The following CNTNAP5 variants were observed in gnomAD, a reference collection of about 807,000 sequenced individuals.
CNTNAP5 encodes contactin-associated protein-like 5.
A neutral mutation model predicts 150.2 loss-of-function variants in CNTNAP5; 72 were observed. The observed-to-expected ratio is 0.48, with a 90% CI of 0.40 to 0.58. CNTNAP5 has a LOEUF of 0.58. CNTNAP5 is among the 20% of genes least tolerant of loss of function. The pLI, the probability that CNTNAP5 is intolerant of heterozygous loss-of-function variation, is 0.00. For synonymous variants in CNTNAP5, 672 were observed against 619.8 expected, an observed-to-expected ratio of 1.08 and a Z score of -1.25; for missense variants, 1,636 against 1,626.2, an observed-to-expected ratio of 1.01 and a Z score of -0.10.
At chr2:124,725,521 TCTC>T (rs943028365) in intron 13 of CNTNAP5, among the ~76,000 whole-genome samples, 5 of 147,030 alleles carry the variant, frequency 3.4e-5, no homozygotes, top group African/African-American at 1.3e-4. Flanking sequence ...TTTCCTCTTC[TCTC>T]CTCTTGTTTC....
intron 1 of CNTNAP5, among the ~76,000 whole-genome samples, chr2:124,060,366 C>A (rs1017872621): frequency 2.0e-4 from 31 of 152,284 alleles, no homozygotes; most frequent in South Asian, 1.4e-3. Context: ...TGGCAACTTA[C>A]CAGGTAAAAA....
intron 13 of CNTNAP5, among the ~76,000 whole-genome samples, chr2:124,731,599 G>C (rs1343469776): frequency 6.6e-6 from 1 of 151,374 alleles, no homozygotes; most frequent in Non-Finnish European, 1.5e-5. Flanking sequence ...GGGAGAGAGA[G>C]ACAAATGCAG....
intron 1 of CNTNAP5, among the ~76,000 whole-genome samples, chr2:124,185,331 T>C (rs1395530901): frequency 1.3e-5 from 2 of 152,190 alleles, no homozygotes; most frequent in East Asian, 3.9e-4. Context: ...GACTGTAAGC[T>C]GCCAAAAGGC....
rs149098464 is a variant in CNTNAP5 at position 124,549,786 on chromosome 2, T to C, written c.1650-13431T>C. Among the ~76,000 whole-genome samples, 715 of 152,366 alleles carry C rather than the reference T, an allele frequency of 4.7e-3. 4 individuals are homozygous for C. Among genetic ancestry groups the C allele is most frequent in the African/African-American group, 0.016 (685 of 41,586 alleles). On this transcript the variant is annotated intron_variant, in intron 10 of 23. Transcript: ENST00000682447. ...AAAAAGTAAAAGCCAGATAAATATA[T>C]AGTCAGTGCTAACACTTGCTATGAT...
intron 3 of CNTNAP5, among the ~76,000 whole-genome samples, chr2:124,398,234 T>A (rs1691307943): frequency 6.6e-6 from 1 of 152,158 alleles, no homozygotes; most frequent in Non-Finnish European, 1.5e-5. Flanking sequence ...ACATTCCAGC[T>A]CCTTTGCTGA....
In CNTNAP5 at chr2:124,220,974, C is replaced by T. The variant is rs551273314; in HGVS notation, c.83-731C>T. On this transcript the variant is annotated intron_variant, in intron 1 of 23. Transcript: ENST00000682447. ...TCAGTGTCAACCCGGAGGGGTATAT[C>T]TACCTTCTCAAGACAAGCATCTTTG... Among the ~76,000 whole-genome samples, 4 of 152,216 alleles carry T rather than the reference C, an allele frequency of 2.6e-5. No homozygotes were observed. The South Asian group carries it at 8.3e-4, about 32-fold the overall frequency.
rs372792634 is a variant in CNTNAP5 at position 124,873,151 on chromosome 2, G to A, written c.3436+3389G>A. On this transcript the variant is annotated intron_variant, in intron 21 of 23. Transcript: ENST00000682447. The stretch of plus-strand genomic sequence containing the variant: ...AAAGCCTCAAGAATCTTAAAGTAAT[G>A]GCAGGAGACAAAGGAGGAGCAGGCA... Among the ~76,000 whole-genome samples the A allele has an allele frequency of 6.6e-5, 10 of 152,176 alleles. 1 individual carries two copies. The highest frequency in any genetic ancestry group is 1.9e-4 in the African/African-American group (8 of 41,544).
chr2:124,626,459 G>C (rs1376186597), intron 12 of CNTNAP5, among the ~76,000 whole-genome samples: 1 of 152,074 alleles, frequency 6.6e-6, no homozygotes, highest in East Asian at 1.9e-4. Flanking sequence ...ATTTCACCTG[G>C]GAGCTGCACT....
Position 124,268,841 on chromosome 2 carries a change from G to C in CNTNAP5, c.381+26448G>C, listed in dbSNP as rs145332674. ...CTTCACAGGCCCACAAGTGAGCTTAGAGCCCTTTGGTCAGGAAATTCTGAA... is the reference window on the plus strand; with the variant it reads ...CTTCACAGGCCCACAAGTGAGCTTACAGCCCTTTGGTCAGGAAATTCTGAA... On this transcript the variant is annotated intron_variant, in intron 3 of 23. Transcript: ENST00000682447. Among the ~76,000 whole-genome samples, 161 of 152,250 alleles carry C rather than the reference G, an allele frequency of 1.1e-3. 1 individual carries two copies. The highest frequency in any genetic ancestry group is 3.7e-3 in the African/African-American group (155 of 41,560).
intron 7 of CNTNAP5, among the ~76,000 whole-genome samples, chr2:124,496,265 A>G (rs1478451072): frequency 1.3e-5 from 2 of 152,210 alleles, no homozygotes; most frequent in Non-Finnish European, 2.9e-5. Context: ...CTCACAGGGC[A>G]GTCTTTTCCC....
At chr2:124,732,711 G>T (rs1299337781) in intron 13 of CNTNAP5, among the ~76,000 whole-genome samples, 1 of 152,070 alleles carries the variant, frequency 6.6e-6, no homozygotes, top group African/African-American at 2.4e-5. Flanking sequence ...TTTTTCATAA[G>T]AAAAATGCAC....
chr2:124,622,198 C>T (rs1051345324), intron 12 of CNTNAP5, among the ~76,000 whole-genome samples: 15 of 151,916 alleles, frequency 9.9e-5, no homozygotes, highest in Non-Finnish European at 1.9e-4. Flanking sequence ...TCAGTTCCCA[C>T]TTGTAGATGA....
At chr2:124,631,125 A>G (rs1393555289) in intron 12 of CNTNAP5, among the ~76,000 whole-genome samples, 2 of 152,214 alleles carry the variant, frequency 1.3e-5, no homozygotes, top group South Asian at 2.1e-4. Flanking sequence ...ACAAGAATCA[A>G]TATCATGAAA....
chr2:124,854,409 A>T (rs1677301642), intron 19 of CNTNAP5, among the ~76,000 whole-genome samples: 1 of 152,156 alleles, frequency 6.6e-6, no homozygotes, highest in South Asian at 2.1e-4. Flanking sequence ...GTAAAATTCC[A>T]TTTTTTAATC....
At chr2:124,765,753 C>G (rs1186923148) in intron 16 of CNTNAP5, among the ~76,000 whole-genome samples, 1 of 151,868 alleles carries the variant, frequency 6.6e-6, no homozygotes, top group African/African-American at 2.4e-5. Context: ...GTCAGGAGTT[C>G]GAGACCAGCA....
At chr2:124,078,123 A>G (rs1202390606) in intron 1 of CNTNAP5, among the ~76,000 whole-genome samples, 2 of 152,252 alleles carry the variant, frequency 1.3e-5, no homozygotes, top group Non-Finnish European at 1.5e-5. Flanking sequence ...AATCCTTGAA[A>G]GGACAACAAT....
At chr2:124,604,213 ATC>A (rs1006956532) in intron 11 of CNTNAP5, among the ~76,000 whole-genome samples, 29 of 152,264 alleles carry the variant, frequency 1.9e-4, no homozygotes, top group African/African-American at 5.5e-4. Flanking sequence ...GCAGAATTTT[ATC>A]TGTTTGCATT....
At chr2:124,199,945 A>C (rs1006488400) in intron 1 of CNTNAP5, among the ~76,000 whole-genome samples, 2 of 152,150 alleles carry the variant, frequency 1.3e-5, no homozygotes, top group African/African-American at 2.4e-5. Context: ...CTGCTTTCCA[A>C]TCAACAGAAA....
At chr2:124,255,647 A>C (rs1054416561) in intron 3 of CNTNAP5, among the ~76,000 whole-genome samples, 5 of 152,158 alleles carry the variant, frequency 3.3e-5, no homozygotes, top group South Asian at 2.1e-4. Context: ...AAAATGTAGG[A>C]GTCTTTAAGG....
Sources: allele counts gnomAD v4.1 joint callset (sites outside exome capture counted in the v4.1 genomes callset), GRCh38; gene constraint gnomAD v4.1.1; transcripts MANE v1.5; gene names NCBI Gene and HGNC (gene_info 2026-07-23, HGNC 2026-07-21).